Variants in CCDC60 observed in about 807,000 individuals in gnomAD.
CCDC60 encodes the protein coiled-coil domain-containing protein 60.
In CCDC60, 54 loss-of-function variants were observed where a neutral mutation model predicts 63.5. The ratio of observed to expected loss-of-function variants is 0.85; its 90% confidence interval spans 0.68 to 1.07. CCDC60 has a LOEUF of 1.07. Ranked by LOEUF, CCDC60 falls within the 50% of genes least tolerant of loss-of-function variation. The pLI is 0.00. For missense variants in CCDC60, 651 were observed against 684.3 expected (o/e 0.95, Z 0.54); for synonymous variants, 206 against 238.8 (o/e 0.86, Z 1.27).
intron 1 of CCDC60, among the ~76,000 whole-genome samples, chr12:119,421,182 CA>C (rs1307729563): frequency 6.6e-6 from 1 of 152,174 alleles, no homozygotes; most frequent in African/African-American, 2.4e-5. Flanking sequence ...AAGATGAGTT[CA>C]GAACATTCTT....
chr12:119,335,405 A>G (rs1815293646), intron 1 of CCDC60, 139 bp downstream of exon 1: 1 of 566,382 alleles, frequency 1.8e-6, no homozygotes, highest in Admixed American at 3.4e-5. Context: ...ACTAGTTTAC[A>G]GTCCCACCAA....
intron 2 of CCDC60, among the ~76,000 whole-genome samples, chr12:119,458,296 A>C (rs1488574513): frequency 2.0e-5 from 3 of 152,222 alleles, no homozygotes; most frequent in Non-Finnish European, 2.9e-5. Context: ...GTGTTTGTTC[A>C]TCTTAATGTC....
At chr12:119,529,779 G>T (rs564278438) in intron 12 of CCDC60, among the ~76,000 whole-genome samples, 1 of 152,124 alleles carries the variant, frequency 6.6e-6, no homozygotes, top group Non-Finnish European at 1.5e-5. Context: ...AGGGAATTTG[G>T]GGGGAGGAGG....
rs113387225 is a variant in CCDC60, at chr12:119,410,888, A to G, written c.91-17795A>G. Among the ~76,000 whole-genome samples the G allele has an allele frequency of 0.13, 20,385 of 151,582 alleles. 1,712 individuals carry two copies. Among genetic ancestry groups the G allele is most frequent in the African/African-American group, 0.23 (9,477 of 41,306 alleles). ...CTTCTGAGTAGCTGGGACTACAGGC[A>G]CGCACCACTACACTCAGCTAATTTT... On this transcript the variant is annotated intron_variant, in intron 1 of 13. Coordinates refer to ENST00000327554, the MANE Select transcript of CCDC60 (RefSeq NM_178499.5). This position sits in a 1 kb window ranked among gnomAD's most constrained non-coding sequence, Gnocchi z 4.0.
Position 119,473,392 on chromosome 12 carries a change from AAAACACC to A in CCDC60, c.341+1230_341+1236del, listed in dbSNP as rs1315012540. Among the ~76,000 whole-genome samples, 5 of 152,342 alleles carry A rather than the reference AAAACACC, an allele frequency of 3.3e-5. No individual in the cohort carries two copies. The East Asian group carries it at 9.6e-4, about 29-fold the overall frequency. On this transcript the variant is annotated intron_variant, in intron 3 of 13. Coordinates refer to ENST00000327554, the MANE Select transcript of CCDC60 (RefSeq NM_178499.5). ...ATTAGAATCATCTGGCAAGTTTTTAAAAACACCACTGTCCAGGTCAGTTACATTAGGC... is the reference window on the plus strand; with the variant it reads ...ATTAGAATCATCTGGCAAGTTTTTAAACTGTCCAGGTCAGTTACATTAGGC...
intron 4 of CCDC60, chr12:119,479,489 C>T (rs1951252657): frequency 5.5e-6 from 2 of 365,784 alleles, no homozygotes; most frequent in Non-Finnish European, 5.1e-6. Context: ...GTCTACAGCC[C>T]TCATCGAGTG....
intron 13 of CCDC60, among the ~76,000 whole-genome samples, chr12:119,532,628 T>C (rs1952885214): frequency 6.6e-6 from 1 of 152,006 alleles, no homozygotes; most frequent in African/African-American, 2.4e-5. Context: ...TGTCCATGTG[T>C]TCTCATTGTT....
At position 119,505,120 on chromosome 12, in the gene CCDC60, C is replaced by G; in HGVS notation, c.700C>G (p.Arg234Gly). 1 of 1,612,438 alleles carries G rather than the reference C, an allele frequency of 6.2e-7. No individual in the cohort carries two copies. Among genetic ancestry groups the G allele is most frequent in the Non-Finnish European group, 8.5e-7 (1 of 1,178,894 alleles). Reference sequence around the variant, plus strand: ...GCGAGTCACCAACCGCAAACCAAGCCGGCGAGGCTCCACACTCAGTCTGAG... The same window carrying G: ...GCGAGTCACCAACCGCAAACCAAGCGGGCGAGGCTCCACACTCAGTCTGAG... ...TMRVTNRKPS[R>G]RGSTLSLSRA... Residue 234 changes from arginine (R) to glycine (G), a missense_variant, in exon 7 of 14, where the codon CGG becomes GGG. Arg to Gly is a moderately radical substitution (Grantham distance 125). Transcript: ENST00000327554.
At chr12:119,394,024 A>G (rs1477320646) in intron 1 of CCDC60, among the ~76,000 whole-genome samples, 4 of 152,222 alleles carry the variant, frequency 2.6e-5, no homozygotes, top group Non-Finnish European at 5.9e-5. Context: ...CAGGCCCTTA[A>G]TAGGCCCCCA....
chr12:119,412,763 A>ACCCCCCCCCCCCC (rs150785942), intron 1 of CCDC60, among the ~76,000 whole-genome samples: 3 of 88,016 alleles, frequency 3.4e-5, no homozygotes, highest in East Asian at 5.6e-4. Flanking sequence ...AAAGCCCCCC[A>ACCCCCCCCCCCCC]CCCCCCCCCA....
chr12:119,530,563 T>C (rs1487251807), intron 12 of CCDC60, among the ~76,000 whole-genome samples: 1 of 152,170 alleles, frequency 6.6e-6, no homozygotes, highest in East Asian at 1.9e-4. Flanking sequence ...AGAAGAGAAG[T>C]TTCAGATCCC....
intron 1 of CCDC60, among the ~76,000 whole-genome samples, chr12:119,360,213 G>A (rs1034656223): frequency 1.1e-4 from 17 of 150,324 alleles, no homozygotes; most frequent in African/African-American, 4.2e-4. Flanking sequence ...TGGGCAGAGG[G>A]GCTCCTCACT....
chr12:119,537,654 G>T (rs4586235), intron 13 of CCDC60, among the ~76,000 whole-genome samples: 1 of 152,060 alleles, frequency 6.6e-6, no homozygotes, highest in Non-Finnish European at 1.5e-5. Flanking sequence ...TTAGTTTTCC[G>T]TCTCACAGTC....
intron 8 of CCDC60, among the ~76,000 whole-genome samples, chr12:119,519,012 TC>T (rs1952425277): frequency 6.6e-6 from 1 of 152,152 alleles, no homozygotes; most frequent in Non-Finnish European, 1.5e-5. Context: ...GAAAAAAATC[TC>T]CCTAATCTTT....
intron 7 of CCDC60, among the ~76,000 whole-genome samples, chr12:119,507,551 CATAT>C (rs781735897): frequency 0.019 from 1,289 of 68,818 alleles, 43 homozygotes; most frequent in Middle Eastern, 0.044. Context: ...CATATATATA[CATAT>C]ATATATATAT....
chr12:119,497,161 AG>A (rs1951731959), intron 5 of CCDC60, among the ~76,000 whole-genome samples: 3 of 152,144 alleles, frequency 2.0e-5, no homozygotes, highest in Non-Finnish European at 2.9e-5. Flanking sequence ...TTTTGAACAA[AG>A]CAAGTCACAG....
intron 2 of CCDC60, among the ~76,000 whole-genome samples, chr12:119,435,177 C>T (rs1418452092): frequency 1.3e-5 from 2 of 152,146 alleles, no homozygotes; most frequent in African/African-American, 2.4e-5. Context: ...AGCATGTGAG[C>T]GATCTCACAG....
rs566311133 is a variant in CCDC60 at position 119,461,396 on chromosome 12, G to A, written c.171-10598G>A. ...CAATCCCCTCTAACACCTTCCCATC[G>A]CCCATACTGCTCCTCAAGTCCAAAG... On this transcript the variant is annotated intron_variant, in intron 2 of 13. Transcript: ENST00000327554. 3.5e-4 allele frequency among the ~76,000 whole-genome samples: 53 copies of A among 152,088 alleles called. 1 individual carries two copies. Among genetic ancestry groups the A allele is most frequent in the East Asian group, 3.5e-3 (18 of 5,166 alleles).
chr12:119,455,987 A>AAGAG (rs1460581940), intron 2 of CCDC60, among the ~76,000 whole-genome samples: 4 of 67,178 alleles, frequency 6.0e-5, no homozygotes, highest in Admixed American at 3.7e-4. Flanking sequence ...GGGAGAGAGA[A>AAGAG]AGAGAGAGAG....
Sources: gnomAD v4.1 joint callset for allele counts (sites outside exome capture counted in the v4.1 genomes callset) on GRCh38, gnomAD v4.1.1 for gene constraint, Gnocchi (gnomAD v3.1) non-coding constraint, MANE v1.5 for transcripts, NCBI Gene and HGNC (gene_info 2026-07-23, HGNC 2026-07-21) for gene names.